Variants in PCDHGB4 observed in about 807,000 individuals in gnomAD.
The protein encoded by PCDHGB4 is protocadherin gamma-B4.
Under a neutral mutation model 60.5 loss-of-function variants are expected in PCDHGB4, and 38 were observed. The ratio of observed to expected loss-of-function variants is 0.63; its 90% CI spans 0.48 to 0.82. The LOEUF (loss-of-function observed/expected upper bound fraction) is 0.82, where lower values mean the gene tolerates loss of function less well. PCDHGB4 is among the 40% of genes least tolerant of loss of function. The probability of loss-of-function intolerance (pLI) is 0.00; values close to 1 mark genes in which losing one functional copy is unlikely to be tolerated. For missense variants in PCDHGB4, 1,109 were observed against 1,209.6 expected (o/e 0.92, Z 1.23); for synonymous variants, 456 against 509.7 (o/e 0.89, Z 1.42).
At chr5:141,440,983 G>A (rs2154559140) in intron 1 of PCDHGB4, 1 of 152,314 alleles carries the variant, frequency 6.6e-6, no homozygotes, top group South Asian at 2.1e-4. Flanking sequence ...TCACAACCCA[G>A]AGTACCCATA....
intron 1 of PCDHGB4, chr5:141,421,633 G>C (rs1369645749): frequency 1.9e-6 from 3 of 1,613,716 alleles, no homozygotes; most frequent in Non-Finnish European, 2.5e-6. Context: ...CAGCTTCCAG[G>C]AGGACGAAGT....
Position 141,477,230 on chromosome 5 carries a change from G to A in PCDHGB4, c.2398-17577G>A, listed in dbSNP as rs768648952. The A allele has an allele frequency of 1.3e-5, 21 of 1,614,164 alleles. No individual in the cohort carries two copies. The highest frequency in any genetic ancestry group is 1.8e-5 in the Non-Finnish European group (21 of 1,180,046). On this transcript the variant is annotated intron_variant, in intron 1 of 3. Coordinates refer to ENST00000519479, the MANE Select transcript of PCDHGB4 (RefSeq NM_003736.4). This position sits in a 1 kb window ranked among gnomAD's most constrained non-coding sequence, Gnocchi z 4.9. ...GGATGCCCCTCTGGGGACTGTCATC[G>A]CTTTGCTCAGTGTGACTGACCTGGA...
At chr5:141,402,962 C>A (rs1482027682) in intron 1 of PCDHGB4, 2 of 1,604,618 alleles carry the variant, frequency 1.2e-6, no homozygotes, top group African/African-American at 2.7e-5. Flanking sequence ...AATGGCAGCT[C>A]CAACCAAATG....
chr5:141,488,046 G>A (rs958459817), intron 1 of PCDHGB4, among the ~76,000 whole-genome samples: 1 of 152,182 alleles, frequency 6.6e-6, no homozygotes, highest in African/African-American at 2.4e-5. Flanking sequence ...CCAAGGGATT[G>A]AGGGGAAATA....
chr5:141,418,599 A>C, intron 1 of PCDHGB4: 2 of 1,614,054 alleles, frequency 1.2e-6, no homozygotes. Context: ...CAGGACGTGT[A>C]CAGGGTTAGC....
intron 1 of PCDHGB4, chr5:141,421,816 C>T (rs981400135): frequency 1.2e-5 from 19 of 1,613,696 alleles, no homozygotes; most frequent in Non-Finnish European, 1.4e-5. Context: ...AGAGCTAGTA[C>T]TGGAGGGAAG....
chr5:141,427,704 G>C (rs2097059746), intron 1 of PCDHGB4: 2 of 966,116 alleles, frequency 2.1e-6, no homozygotes, highest in Non-Finnish European at 3.2e-6. Context: ...ACAAGTCAGC[G>C]CCTCTGACCT....
intron 1 of PCDHGB4, chr5:141,399,976 C>A (rs759278103): frequency 1.2e-6 from 2 of 1,612,122 alleles, no homozygotes; most frequent in African/African-American, 2.7e-5. Context: ...CAGCCTGGGG[C>A]TGCGCACAGG....
chr5:141,410,664 A>G, intron 1 of PCDHGB4: 1 of 1,570,058 alleles, frequency 6.4e-7, no homozygotes, highest in Non-Finnish European at 8.6e-7. Context: ...ATAGTCTACT[A>G]GTTTCTCATA....
rs2099686717 is a variant in PCDHGB4, at chr5:141,489,403, A to C, written c.2398-5404A>C. The C allele has an allele frequency of 6.2e-7, 1 of 1,614,172 alleles. No homozygotes were observed. Among genetic ancestry groups the C allele is most frequent in the East Asian group, 2.2e-5 (1 of 44,884 alleles). On this transcript the variant is annotated intron_variant, in intron 1 of 3. Coordinates refer to ENST00000519479, the MANE Select transcript of PCDHGB4 (RefSeq NM_003736.4). The surrounding 1 kb of genome is among the most constrained non-coding windows in gnomAD (Gnocchi z 4.5). ...GAATGTTGCTCAGGATCTGGGCTTA[A>C]AGATGACAGATCTGTTGAGCCGGCG...
intron 1 of PCDHGB4, among the ~76,000 whole-genome samples, chr5:141,464,444 T>C (rs2099084887): frequency 6.6e-6 from 1 of 151,634 alleles, no homozygotes; most frequent in East Asian, 1.9e-4. Context: ...TGTTTGTTGT[T>C]GTTGTTGTTA....
intron 1 of PCDHGB4, chr5:141,430,849 G>A: frequency 6.3e-7 from 1 of 1,582,030 alleles, no homozygotes; most frequent in Non-Finnish European, 8.6e-7. Flanking sequence ...GATGCACCCA[G>A]ATACGCTATT....
intron 1 of PCDHGB4, among the ~76,000 whole-genome samples, chr5:141,434,605 T>C (rs1448149059): frequency 6.6e-6 from 1 of 152,198 alleles, no homozygotes; most frequent in Non-Finnish European, 1.5e-5. Context: ...ATCCCTTTAT[T>C]TCCGCCCATC....
chr5:141,428,029 C>T (rs775747505), intron 1 of PCDHGB4: 1 of 1,607,160 alleles, frequency 6.2e-7, no homozygotes, highest in Non-Finnish European at 8.5e-7. Flanking sequence ...GCCGCAGAGT[C>T]CGGCTACCTG....
chr5:141,464,290 A>AC (rs1287070540), intron 1 of PCDHGB4, among the ~76,000 whole-genome samples: 1 of 149,916 alleles, frequency 6.7e-6, no homozygotes, highest in Non-Finnish European at 1.5e-5. Context: ...AAAAAAAAAA[A>AC]CTCCATTGTA....
intron 1 of PCDHGB4, chr5:141,400,474 G>A: frequency 6.2e-7 from 1 of 1,614,012 alleles, no homozygotes; most frequent in Non-Finnish European, 8.5e-7. Context: ...TTCATCTGGG[G>A]CCTTATTTCC....
intron 1 of PCDHGB4, chr5:141,415,696 G>A (rs867312295): frequency 2.9e-6 from 4 of 1,397,470 alleles, no homozygotes; most frequent in Non-Finnish European, 3.8e-6. Flanking sequence ...GGTGGAAAGT[G>A]TAAATGCTAA....
chr5:141,450,092 C>T (rs761677942), intron 1 of PCDHGB4, among the ~76,000 whole-genome samples: 2 of 148,672 alleles, frequency 1.3e-5, no homozygotes, highest in Non-Finnish European at 3.0e-5. Flanking sequence ...CTGCAACCTC[C>T]GCCTCCCAGG....
At chr5:141,449,631 G>C in intron 1 of PCDHGB4, among the ~76,000 whole-genome samples, 1 of 148,476 alleles carries the variant, frequency 6.7e-6, no homozygotes, top group Middle Eastern at 3.6e-3. Flanking sequence ...TTAAAAAGAT[G>C]TATCTATATA....
Sources: allele counts gnomAD v4.1 joint callset (sites outside exome capture counted in the v4.1 genomes callset), GRCh38; gene constraint gnomAD v4.1.1; non-coding constraint Gnocchi (gnomAD v3.1); transcripts MANE v1.5; gene names NCBI Gene and HGNC (gene_info 2026-07-23, HGNC 2026-07-21).